The following GRIA4 variants were observed in gnomAD, a reference collection of about 807,000 sequenced individuals.
GRIA4 encodes the protein glutamate ionotropic receptor AMPA type subunit 4.
In GRIA4, 34 loss-of-function variants were observed where a neutral mutation model predicts 104.0. That is an observed-to-expected ratio of 0.33 (90% CI 0.25 to 0.44). The LOEUF (loss-of-function observed/expected upper bound fraction) is 0.44, where lower values mean the gene tolerates loss of function less well. Ranked by LOEUF, GRIA4 falls within the 20% of genes least tolerant of loss-of-function variation. The pLI, the probability that GRIA4 is intolerant of heterozygous loss-of-function variation, is 1.00. For missense variants in GRIA4, 750 were observed against 1,096.5 expected (o/e 0.68, Z 4.46); for synonymous variants, 386 against 381.9 (o/e 1.01, Z -0.13).
chr11:105,778,032 G>T (rs184803927), intron 4 of GRIA4, among the ~76,000 whole-genome samples: 3 of 152,200 alleles, frequency 2.0e-5, no homozygotes, highest in East Asian at 3.9e-4. Context: ...TTGCAAGGGG[G>T]ACTCAAAGAT....
Position 105,761,144 on chromosome 11 carries a change from T to C in GRIA4, c.487+7924T>C, listed in dbSNP as rs557008498. Among the ~76,000 whole-genome samples the C allele has an allele frequency of 2.7e-4, 41 of 152,290 alleles. No homozygotes were observed. The South Asian group carries it at 7.7e-3, about 28-fold the overall frequency. The stretch of plus-strand genomic sequence containing the variant: ...ATAATTTTTTACTTAATATGAGATA[T>C]ACTTTGATACAAAATATTTTGGAAT... On this transcript the variant is annotated intron_variant, in intron 4 of 16. Transcript: ENST00000282499.
chr11:105,862,298 G>C, intron 5 of GRIA4, 90 bp downstream of exon 5: 1 of 709,388 alleles, frequency 1.4e-6, no homozygotes, highest in Non-Finnish European at 2.4e-6. Context: ...TCTTCTCCCA[G>C]CTTTTAATTT....
rs146841671 is a variant in GRIA4, at chr11:105,829,094, T to TACACACACACACACACACACACAC, written c.488-32917_488-32916insCACACACACACACACACACACACA. Among the ~76,000 whole-genome samples, 630 of 151,136 alleles carry TACACACACACACACACACACACAC rather than the reference T, an allele frequency of 4.2e-3. 3 individuals are homozygous for TACACACACACACACACACACACAC. The highest frequency in any genetic ancestry group is 0.014 in the African/African-American group (559 of 41,078). On this transcript the variant is annotated intron_variant, in intron 4 of 16. Transcript: ENST00000282499. Reference sequence around the variant, plus strand: ...ATTGTGTGCTATATCCAGTGATGTATACACACACACACAAATAGACTGATA... The same window carrying TACACACACACACACACACACACAC: ...ATTGTGTGCTATATCCAGTGATGTATACACACACACACACACACACACACACACACACACACAAATAGACTGATA...
intron 4 of GRIA4, among the ~76,000 whole-genome samples, chr11:105,840,076 T>C (rs190546237): frequency 1.3e-5 from 2 of 152,200 alleles, no homozygotes; most frequent in East Asian, 3.8e-4. Flanking sequence ...TATTGTCTTA[T>C]AAGTTTATAC....
chr11:105,725,793 C>G (rs534055712), intron 3 of GRIA4, among the ~76,000 whole-genome samples: 1 of 152,054 alleles, frequency 6.6e-6, no homozygotes, highest in Non-Finnish European at 1.5e-5. Flanking sequence ...GCACAAGGGT[C>G]GGGCAACTCC....
chr11:105,871,915 G>T (rs374097156), intron 5 of GRIA4, among the ~76,000 whole-genome samples: 4 of 151,972 alleles, frequency 2.6e-5, no homozygotes, highest in Non-Finnish European at 5.9e-5. Flanking sequence ...TATCAACACT[G>T]AAGGGAAATA....
At chr11:105,783,364 T>G (rs1474586125) in intron 4 of GRIA4, among the ~76,000 whole-genome samples, 1 of 152,202 alleles carries the variant, frequency 6.6e-6, no homozygotes, top group African/African-American at 2.4e-5. Context: ...TCACATAATC[T>G]CATTTCAAGA....
Position 105,651,544 on chromosome 11 carries a change from A to C in GRIA4, c.247+39110A>C, listed in dbSNP as rs192542293. 9.9e-4 allele frequency among the ~76,000 whole-genome samples: 150 copies of C among 152,262 alleles called. 2 individuals carry two copies. Among genetic ancestry groups the C allele is most frequent in the Non-Finnish European group, 1.9e-4 (13 of 67,998 alleles). ...GTTGCAGATCACTATTTGGGATGTA[A>C]CTGGCTGGGTTATGCCTGAACTGTT... is the stretch of plus-strand genomic sequence containing the variant. On this transcript the variant is annotated intron_variant, in intron 3 of 16. Transcript: ENST00000282499.
At chr11:105,881,403 A>G (rs1008421774) in intron 5 of GRIA4, among the ~76,000 whole-genome samples, 1 of 152,186 alleles carries the variant, frequency 6.6e-6, no homozygotes, top group African/African-American at 2.4e-5. Flanking sequence ...CATGACAAGG[A>G]AACAGATGAG....
At chr11:105,633,735 T>C (rs1268987114) in intron 3 of GRIA4, among the ~76,000 whole-genome samples, 2 of 152,128 alleles carry the variant, frequency 1.3e-5, no homozygotes, top group African/African-American at 2.4e-5. Context: ...CTTAGTTAAA[T>C]AACAATATCA....
chr11:105,668,759 A>C (rs1952264151), intron 3 of GRIA4, among the ~76,000 whole-genome samples: 1 of 143,834 alleles, frequency 7.0e-6, no homozygotes, highest in Non-Finnish European at 1.5e-5. Flanking sequence ...TCTCCCTCCC[A>C]TCATTTGCCT....
chr11:105,854,076 C>A (rs932454785), intron 4 of GRIA4, among the ~76,000 whole-genome samples: 2 of 152,228 alleles, frequency 1.3e-5, no homozygotes, highest in Middle Eastern at 3.4e-3. Context: ...CTTTTAGATG[C>A]CAAGTCTTCT....
At chr11:105,827,126 T>G (rs1943800564) in intron 4 of GRIA4, among the ~76,000 whole-genome samples, 1 of 151,906 alleles carries the variant, frequency 6.6e-6, no homozygotes, top group African/African-American at 2.4e-5. Flanking sequence ...TCTCAGACTT[T>G]ACACTACTGA....
At chr11:105,700,503 CA>C (rs1189621438) in intron 3 of GRIA4, among the ~76,000 whole-genome samples, 3 of 152,194 alleles carry the variant, frequency 2.0e-5, no homozygotes, top group Non-Finnish European at 4.4e-5. Context: ...TCCCATGTGA[CA>C]ACTAGGCAGA....
chr11:105,680,578 A>G (rs1345291540), intron 3 of GRIA4, among the ~76,000 whole-genome samples: 2 of 152,026 alleles, frequency 1.3e-5, no homozygotes, highest in Non-Finnish European at 2.9e-5. Flanking sequence ...TGAGTTCCTT[A>G]CTGGAAGCAA....
At position 105,816,707 on chromosome 11, in the gene GRIA4, A is replaced by G. The variant is rs566544649; in HGVS notation, c.488-45317A>G. 2.6e-5 allele frequency among the ~76,000 whole-genome samples: 4 copies of G among 152,242 alleles called. No individual in the cohort carries two copies. In the South Asian group the frequency reaches 8.3e-4, roughly 32 times the overall value. ...AGATTATTTCCATCAGTAGCAGAGT[A>G]TAGTGGTTAAAAGCTCAGGCTCTGT... is the stretch of plus-strand genomic sequence containing the variant. On this transcript the variant is annotated intron_variant, in intron 4 of 16. Transcript: ENST00000282499.
chr11:105,896,742 T>C (rs1215540764), intron 6 of GRIA4, among the ~76,000 whole-genome samples: 2 of 152,072 alleles, frequency 1.3e-5, no homozygotes, highest in Non-Finnish European at 2.9e-5. Flanking sequence ...TTATTTCTGG[T>C]TTCATTATTG....
intron 6 of GRIA4, 126 bp from the exon 7 acceptor site, chr11:105,898,143 C>T: frequency 2.2e-6 from 1 of 453,818 alleles, no homozygotes; most frequent in Non-Finnish European, 3.9e-6. Context: ...TATCATTTTC[C>T]ACATTTTTAG....
chr11:105,759,004 G>A (rs960375724), intron 4 of GRIA4, among the ~76,000 whole-genome samples: 2 of 149,958 alleles, frequency 1.3e-5, no homozygotes, highest in Admixed American at 6.7e-5. Flanking sequence ...CACTTATTAC[G>A]TGGTTGACCT....
Sources: allele counts gnomAD v4.1 joint callset (sites outside exome capture counted in the v4.1 genomes callset), GRCh38; gene constraint gnomAD v4.1.1; transcripts MANE v1.5; gene names NCBI Gene and HGNC (gene_info 2026-07-23, HGNC 2026-07-21).